The following PKNOX2 variants were observed in gnomAD, a reference collection of about 807,000 sequenced individuals.
PKNOX2 encodes the protein homeobox protein PKNOX2.
In PKNOX2, 14 loss-of-function variants were observed where a neutral mutation model predicts 53.1. That is an observed-to-expected ratio of 0.26 (90% CI 0.17 to 0.41). The LOEUF is 0.41. Among genes scored for constraint, PKNOX2 ranks in the 10% least tolerant of loss-of-function variants. PKNOX2 has a pLI of 1.00. For missense variants in PKNOX2, 496 were observed against 602.8 expected (o/e 0.82, Z 1.85); for synonymous variants, 257 against 242.8 (o/e 1.06, Z -0.54).
chr11:125,329,998 T>C (rs947764512), intron 2 of PKNOX2, among the ~76,000 whole-genome samples: 3 of 152,208 alleles, frequency 2.0e-5, no homozygotes, highest in African/African-American at 7.2e-5. Flanking sequence ...CGGCAGTGCC[T>C]GGCATGGATG....
intron 2 of PKNOX2, among the ~76,000 whole-genome samples, chr11:125,272,154 T>A (rs1306112364): frequency 2.6e-5 from 4 of 152,218 alleles, no homozygotes; most frequent in Admixed American, 1.3e-4. Flanking sequence ...GTGTTTCAAA[T>A]GGGAACTAGA....
At chr11:125,212,880 A>T (rs1208391305) in intron 1 of PKNOX2, among the ~76,000 whole-genome samples, 2 of 151,898 alleles carry the variant, frequency 1.3e-5, no homozygotes, top group African/African-American at 4.8e-5. Context: ...ACTCACTTTG[A>T]CTTGGCCCAG....
chr11:125,197,673 C>CA (rs369888039), intron 1 of PKNOX2, among the ~76,000 whole-genome samples: 5 of 151,918 alleles, frequency 3.3e-5, no homozygotes, highest in South Asian at 2.1e-4. Context: ...ACAACAACAA[C>CA]AAAAAAACAC....
At chr11:125,269,293 G>A (rs1024575957) in intron 2 of PKNOX2, among the ~76,000 whole-genome samples, 1 of 151,948 alleles carries the variant, frequency 6.6e-6, no homozygotes, top group Non-Finnish European at 1.5e-5. Context: ...TGAGACCGCA[G>A]GTATTCATCA....
intron 3 of PKNOX2, among the ~76,000 whole-genome samples, chr11:125,338,570 C>T (rs545151617): frequency 2.0e-5 from 3 of 152,282 alleles, no homozygotes; most frequent in South Asian, 4.1e-4. Flanking sequence ...CTGCCTGCTC[C>T]GATCAACCTA....
intron 1 of PKNOX2, among the ~76,000 whole-genome samples, chr11:125,215,997 T>TC (rs1940454020): frequency 6.6e-6 from 1 of 152,236 alleles, no homozygotes; most frequent in Non-Finnish European, 1.5e-5. Context: ...TGCTTGCTGC[T>TC]GACTTGAATT....
intron 2 of PKNOX2, among the ~76,000 whole-genome samples, chr11:125,264,927 G>A (rs1045426253): frequency 6.6e-6 from 1 of 152,170 alleles, no homozygotes; most frequent in African/African-American, 2.4e-5. Flanking sequence ...GGCTCTGGGG[G>A]CGTAAAGAAA....
rs1237769187 is a variant in PKNOX2, at chr11:125,422,683, C to T, written c.937-6329C>T. On this transcript the variant is annotated intron_variant, in intron 10 of 12. Transcript: ENST00000298282. The surrounding 1 kb of genome is among the most constrained non-coding windows in gnomAD (Gnocchi z 4.1). ...CCCTGGGTTGCACTGAGCCCCAGGA[C>T]ACCCCAGAGGGCTGCAGCTCTAAGA... 6.6e-6 allele frequency among the ~76,000 whole-genome samples: 1 copy of T among 152,176 alleles called. No homozygotes were observed. Among genetic ancestry groups the T allele is most frequent in the Admixed American group, 6.5e-5 (1 of 15,280 alleles).
intron 2 of PKNOX2, among the ~76,000 whole-genome samples, chr11:125,308,935 A>G (rs1035235380): frequency 6.6e-6 from 1 of 152,174 alleles, no homozygotes; most frequent in Non-Finnish European, 1.5e-5. Context: ...TGTTCCTCCA[A>G]GATCTTCTGT....
chr11:125,176,109 C>A (rs956540042), intron 1 of PKNOX2, among the ~76,000 whole-genome samples: 1 of 152,116 alleles, frequency 6.6e-6, no homozygotes, highest in African/African-American at 2.4e-5. Context: ...GATTCCTGAG[C>A]GCCCGGTGGT....
intron 7 of PKNOX2, among the ~76,000 whole-genome samples, chr11:125,408,070 C>G (rs1046191877): frequency 2.6e-5 from 4 of 152,322 alleles, no homozygotes; most frequent in South Asian, 2.1e-4. Context: ...CTGCAGGATT[C>G]AAGGAGCATT....
At chr11:125,299,105 T>C (rs983308095) in intron 2 of PKNOX2, among the ~76,000 whole-genome samples, 6 of 152,098 alleles carry the variant, frequency 3.9e-5, no homozygotes, top group African/African-American at 1.4e-4. Flanking sequence ...GGAGCAGGCA[T>C]GTCACCTGGC....
At chr11:125,216,620 A>G (rs531321878) in intron 1 of PKNOX2, among the ~76,000 whole-genome samples, 4 of 152,186 alleles carry the variant, frequency 2.6e-5, no homozygotes, top group Non-Finnish European at 5.9e-5. Flanking sequence ...GTCTGTGAAA[A>G]CTGAGAGACA....
At chr11:125,206,965 G>A (rs1425164636) in intron 1 of PKNOX2, among the ~76,000 whole-genome samples, 1 of 148,030 alleles carries the variant, frequency 6.8e-6, no homozygotes, top group Non-Finnish European at 1.5e-5. Context: ...GAGGGGTGGT[G>A]CTGTGAGAGA....
At chr11:125,188,806 C>G (rs1353766097) in intron 1 of PKNOX2, among the ~76,000 whole-genome samples, 1 of 151,886 alleles carries the variant, frequency 6.6e-6, no homozygotes, top group African/African-American at 2.4e-5. Flanking sequence ...CTATTCTGGA[C>G]AGTGATATGA....
intron 5 of PKNOX2, 128 bp downstream of exon 5, chr11:125,368,113 G>C: frequency 3.3e-6 from 4 of 1,195,954 alleles, no homozygotes; most frequent in Non-Finnish European, 4.5e-6. Flanking sequence ...TTCTCCCTTG[G>C]CCTCCTTCCC....
chr11:125,220,623 G>C (rs1941047145), intron 1 of PKNOX2, among the ~76,000 whole-genome samples: 1 of 152,156 alleles, frequency 6.6e-6, no homozygotes, highest in East Asian at 1.9e-4. Context: ...ATCAGCCCTG[G>C]GGAATCATTT....
chr11:125,259,863 CTTTTTTTTTTAATTCTT>C (rs985340510), intron 2 of PKNOX2, among the ~76,000 whole-genome samples: 25 of 148,800 alleles, frequency 1.7e-4, no homozygotes, highest in African/African-American at 5.4e-4. Context: ...CACCCCCATT[CTTTTTTTTTTAATTCTT>C]TTTTTTTTTT....
intron 2 of PKNOX2, among the ~76,000 whole-genome samples, chr11:125,323,855 T>TTGTGTGTGTG (rs57415781): frequency 0.021 from 3,218 of 149,862 alleles, 111 homozygotes; most frequent in African/African-American, 0.07. Context: ...GTTTCTGGGG[T>TTGTGTGTGTG]TGTGTGTGTG....
Sources: gnomAD v4.1 joint callset for allele counts (sites outside exome capture counted in the v4.1 genomes callset) on GRCh38, gnomAD v4.1.1 for gene constraint, Gnocchi (gnomAD v3.1) non-coding constraint, MANE v1.5 for transcripts, NCBI Gene and HGNC (gene_info 2026-07-23, HGNC 2026-07-21) for gene names.